The following IRAK2 variants were observed in gnomAD, a reference collection of about 807,000 sequenced individuals.
The protein encoded by IRAK2 is interleukin 1 receptor associated kinase 2, also known as interleukin-1 receptor-associated kinase-like 2.
A neutral mutation model predicts 72.0 loss-of-function variants in IRAK2; 57 were observed. The ratio of observed to expected loss-of-function variants is 0.79; its 90% confidence interval spans 0.64 to 0.99. The LOEUF is 0.99. Ranked by LOEUF, IRAK2 falls within the 50% of genes least tolerant of loss-of-function variation. IRAK2 has a pLI of 0.00. For missense variants in IRAK2, 790 were observed against 794.4 expected, an observed-to-expected ratio of 0.99 and a Z score of 0.07; for synonymous variants, 293 against 312.7, an observed-to-expected ratio of 0.94 and a Z score of 0.67.
chr3:10,177,689 G>A (rs1696897637), intron 1 of IRAK2, 149 bp from the exon 2 acceptor site: 3 of 754,154 alleles, frequency 4.0e-6, no homozygotes, highest in Non-Finnish European at 6.7e-6. Context: ...TGGGCCACCT[G>A]TGGACCTCAG....
At chr3:10,195,319 G>T (rs1489843439) in intron 2 of IRAK2, among the ~76,000 whole-genome samples, 6 of 152,204 alleles carry the variant, frequency 3.9e-5, no homozygotes, top group African/African-American at 1.4e-4. Context: ...CACTTTGGGA[G>T]GACAAGGTGG....
intron 11 of IRAK2, among the ~76,000 whole-genome samples, chr3:10,235,368 G>A (rs1002643887): frequency 6.6e-6 from 1 of 151,676 alleles, no homozygotes; most frequent in Non-Finnish European, 1.5e-5. Context: ...GTGCAGTGGT[G>A]CTATCTCCAA....
chr3:10,198,861 G>A (rs745900918), intron 2 of IRAK2, among the ~76,000 whole-genome samples: 1 of 152,152 alleles, frequency 6.6e-6, no homozygotes, highest in Non-Finnish European at 1.5e-5. Flanking sequence ...GTGACATCAA[G>A]CGAGTCAGCA....
chr3:10,214,250 A>G (rs1697568392), intron 6 of IRAK2, among the ~76,000 whole-genome samples: 1 of 151,684 alleles, frequency 6.6e-6, no homozygotes, highest in African/African-American at 2.4e-5. Flanking sequence ...TTTAAGAGCT[A>G]GGGTCTTGCT....
At position 10,177,965 on chromosome 3, in the gene IRAK2, T is replaced by C. The variant is rs145038141; in HGVS notation, c.222T>C (p.Leu74=). 19 of 1,613,782 alleles carry C rather than the reference T, an allele frequency of 1.2e-5. No individual in the cohort carries two copies. Among genetic ancestry groups the C allele is most frequent in the Non-Finnish European group, 1.5e-5 (18 of 1,180,008 alleles). Reference sequence around the variant, plus strand: ...TGCGGCAGGCCACCGTCCAGCAACTTGTGGACCTCCTGTGCCGCCTGGAGC... The same window carrying C: ...TGCGGCAGGCCACCGTCCAGCAACTCGTGGACCTCCTGTGCCGCCTGGAGC... ...WGMRQATVQQ[L]VDLLCRLELY... is the part of the protein sequence containing the mutation. Residue 74 remains leucine (L), a synonymous_variant, in exon 2 of 13, where the codon CTT becomes CTC. Coordinates refer to ENST00000256458, the MANE Select transcript of IRAK2 (RefSeq NM_001570.4).
chr3:10,234,756 G>A (rs1366950538), intron 11 of IRAK2, 97 bp downstream of exon 11: 1 of 1,087,858 alleles, frequency 9.2e-7, no homozygotes, highest in African/African-American at 1.6e-5. Context: ...ACAAACCAGG[G>A]TTGTGCTTGC....
At chr3:10,178,389 G>A (rs879286383) in intron 2 of IRAK2, among the ~76,000 whole-genome samples, 5 of 151,934 alleles carry the variant, frequency 3.3e-5, no homozygotes, top group Admixed American at 1.3e-4. Flanking sequence ...CCTGGGAGGC[G>A]GAGGTTGCAG....
chr3:10,172,374 C>A (rs1446577442), intron 1 of IRAK2, among the ~76,000 whole-genome samples: 10 of 148,474 alleles, frequency 6.7e-5, no homozygotes, highest in Non-Finnish European at 1.5e-4. Context: ...CTCAAAAAAA[C>A]AAACAAACAA....
chr3:10,224,147 GC>G (rs1697734990), intron 9 of IRAK2, among the ~76,000 whole-genome samples: 1 of 152,072 alleles, frequency 6.6e-6, no homozygotes, highest in Non-Finnish European at 1.5e-5. Flanking sequence ...GACCAACCTG[GC>G]CAACATGGTG....
Position 10,222,711 on chromosome 3 carries a change from A to C in IRAK2, c.1089A>C (p.Lys363Asn). Residue 363 changes from lysine (K) to asparagine (N), a missense_variant, in exon 9 of 13, where the codon AAA (lysine) becomes AAC (asparagine). Lys to Asn is a moderately conservative substitution (Grantham distance 94). Transcript: ENST00000256458. ...TGGCTCATCTGTGTCCTGTCAACAAAAGGTCAAAATACACCATGATGAAGA... is the reference window on the plus strand; with the variant it reads ...TGGCTCATCTGTGTCCTGTCAACAACAGGTCAAAATACACCATGATGAAGA... ...HPMAHLCPVN[K>N]RSKYTMMKTH... The C allele has an allele frequency of 6.2e-7, 1 of 1,614,140 alleles. No homozygotes were observed. Among genetic ancestry groups the C allele is most frequent in the Non-Finnish European group, 8.5e-7 (1 of 1,180,018 alleles).
chr3:10,228,970 T>C (rs1697820337), intron 10 of IRAK2, among the ~76,000 whole-genome samples: 1 of 151,898 alleles, frequency 6.6e-6, no homozygotes, highest in Non-Finnish European at 1.5e-5. Flanking sequence ...TCTCGCTCTG[T>C]TGCCCAGGCT....
rs779887052 is a variant in IRAK2, at chr3:10,213,263, C to T, written c.585C>T (p.Ser195=). The T allele has an allele frequency of 3.7e-6, 6 of 1,614,152 alleles. No homozygotes were observed. Among genetic ancestry groups the T allele is most frequent in the Non-Finnish European group, 5.1e-6 (6 of 1,180,028 alleles). Residue 195 remains serine (S), a synonymous_variant, in exon 5 of 13, where the codon AGC becomes AGT. Transcript: ENST00000256458. ...AACTTTTGAGCTTGGCTGGAGACAG[C>T]CTTTTCTGGAGTGAGGCAGACGTGG... ...QEKLLSLAGD[S]LFWSEADVVQ... is the part of the protein sequence containing the mutation.
At chr3:10,237,053 G>A (rs1419935197) in intron 11 of IRAK2, among the ~76,000 whole-genome samples, 2 of 152,212 alleles carry the variant, frequency 1.3e-5, no homozygotes, top group Non-Finnish European at 2.9e-5. Flanking sequence ...AAAGGAAAAG[G>A]TGGACACACT....
At chr3:10,211,045 T>C (rs1697510384) in intron 4 of IRAK2, among the ~76,000 whole-genome samples, 1 of 151,880 alleles carries the variant, frequency 6.6e-6, no homozygotes, top group African/African-American at 2.4e-5. Flanking sequence ...GTATTTTTAG[T>C]GGAGACAGGG....
intron 1 of IRAK2, among the ~76,000 whole-genome samples, chr3:10,175,192 C>T (rs182216310): frequency 2.0e-5 from 3 of 152,140 alleles, no homozygotes; most frequent in African/African-American, 7.2e-5. Context: ...GGCACGATCT[C>T]AGCTCACTGC....
At chr3:10,205,855 C>T (rs980652159) in intron 3 of IRAK2, among the ~76,000 whole-genome samples, 6 of 152,196 alleles carry the variant, frequency 3.9e-5, no homozygotes, top group African/African-American at 7.2e-5. Context: ...ACTTGGAGAC[C>T]GGATGAACAT....
At chr3:10,195,974 G>A (rs1296038554) in intron 2 of IRAK2, among the ~76,000 whole-genome samples, 2 of 152,090 alleles carry the variant, frequency 1.3e-5, no homozygotes, top group East Asian at 3.9e-4. Flanking sequence ...TGGGAGTGGC[G>A]GGGGGTAGCC....
At chr3:10,204,983 C>T (rs1028725857) in intron 3 of IRAK2, among the ~76,000 whole-genome samples, 34 of 152,212 alleles carry the variant, frequency 2.2e-4, no homozygotes, top group African/African-American at 7.9e-4. Flanking sequence ...CCCCATCTCC[C>T]TCCCCTCCCT....
intron 3 of IRAK2, among the ~76,000 whole-genome samples, chr3:10,208,400 C>T (rs1228334005): frequency 6.6e-6 from 1 of 151,410 alleles, no homozygotes; most frequent in African/African-American, 2.4e-5. Flanking sequence ...CTCCTGGGCA[C>T]AAGTGATCCT....
Sources: gnomAD v4.1 joint callset for allele counts (sites outside exome capture counted in the v4.1 genomes callset) on GRCh38, gnomAD v4.1.1 for gene constraint, MANE v1.5 for transcripts, NCBI Gene and HGNC (gene_info 2026-07-23, HGNC 2026-07-21) for gene names.